KIF20B: variants seen among roughly 807,000 people sequenced by gnomAD.
KIF20B encodes the protein kinesin family member 20B, also known as kinesin-like protein KIF20B.
Under a neutral mutation model 232.5 loss-of-function variants are expected in KIF20B, and 188 were observed. The ratio of observed to expected loss-of-function variants is 0.81; its 90% confidence interval spans 0.72 to 0.91. The LOEUF (loss-of-function observed/expected upper bound fraction) is 0.91, where lower values mean the gene tolerates loss of function less well. Ranked by LOEUF, KIF20B falls within the 40% of genes least tolerant of loss-of-function variation. The pLI is 0.00. For synonymous variants in KIF20B, 712 were observed against 683.0 expected (o/e 1.04, Z -0.66); for missense variants, 2,154 against 2,055.9 (o/e 1.05, Z -0.92).
chr10:89,727,470 T>G (rs1843215541), intron 16 of KIF20B, among the ~76,000 whole-genome samples: 2 of 152,208 alleles, frequency 1.3e-5, no homozygotes, highest in Admixed American at 1.3e-4. Flanking sequence ...TTTTAAGAAT[T>G]AGTTGCAATA....
chr10:89,707,475 C>CT (rs763793864), intron 2 of KIF20B, among the ~76,000 whole-genome samples: 1 of 151,612 alleles, frequency 6.6e-6, no homozygotes, highest in Admixed American at 6.6e-5. Context: ...ATTTGGATGA[C>CT]TTTTGTCTTT....
At chr10:89,714,846 G>A (rs1330788825) in intron 7 of KIF20B, 109 bp from the exon 8 acceptor site, 1 of 695,210 alleles carries the variant, frequency 1.4e-6, no homozygotes, top group Non-Finnish European at 2.4e-6. Flanking sequence ...ATGGTCAAAA[G>A]ATTAAGCATA....
At chr10:89,702,917 C>T (rs1842642537) in intron 1 of KIF20B, among the ~76,000 whole-genome samples, 1 of 152,006 alleles carries the variant, frequency 6.6e-6, no homozygotes. Flanking sequence ...GTTGGGAAGG[C>T]CACGTATAAG....
At chr10:89,724,236 G>C in intron 14 of KIF20B, 133 bp downstream of exon 14, 4 of 903,052 alleles carry the variant, frequency 4.4e-6, no homozygotes, top group Non-Finnish European at 4.6e-6. Flanking sequence ...CTTGAAAATA[G>C]CTGTTACTGG....
chr10:89,747,228 A>G (rs991029302), intron 23 of KIF20B, among the ~76,000 whole-genome samples: 20 of 152,276 alleles, frequency 1.3e-4, no homozygotes, highest in Non-Finnish European at 2.4e-4. Context: ...TTAAAAAGTC[A>G]GGAAACAACA....
intron 26 of KIF20B, among the ~76,000 whole-genome samples, chr10:89,757,924 A>G (rs939127352): frequency 6.6e-6 from 1 of 151,096 alleles, no homozygotes; most frequent in Non-Finnish European, 1.5e-5. Context: ...CCACTTTTTT[A>G]AGTCAGTTGA....
At chr10:89,770,239 C>T (rs960623162) in intron 31 of KIF20B, among the ~76,000 whole-genome samples, 3 of 151,988 alleles carry the variant, frequency 2.0e-5, no homozygotes, top group African/African-American at 7.2e-5. Flanking sequence ...TGAAAATATC[C>T]TGAGGTGCTT....
rs777257304 is a variant in KIF20B at position 89,717,744 on chromosome 10, A to G, written c.1271+22A>G. 8.6e-6 allele frequency: 13 copies of G among 1,514,208 alleles called. No individual in the cohort carries two copies. The Middle Eastern group carries it at 1.3e-3, about 148-fold the overall frequency. 93.8% of individuals were successfully genotyped at this position (1,514,208 alleles called of 1,614,324 possible). A position where few individuals can be genotyped will look rare whatever the true frequency, so the allele number is the denominator to read the frequency against. ...CAAAGTAAGTGTTTCTGAAAGTGTT[A>G]TTAGCATATTAAATATTACAATATT... On this transcript the variant is annotated intron_variant, in intron 11 of 32. Coordinates refer to ENST00000371728, the MANE Select transcript of KIF20B (RefSeq NM_001284259.2).
At chr10:89,705,034 G>A (rs952923416) in intron 1 of KIF20B, among the ~76,000 whole-genome samples, 1 of 152,154 alleles carries the variant, frequency 6.6e-6, no homozygotes, top group African/African-American at 2.4e-5. Flanking sequence ...CAGATTACCT[G>A]TACTCACGAA....
chr10:89,710,967 A>G lies in KIF20B; in HGVS notation c.497A>G (p.Glu166Gly). 6.2e-7 allele frequency: 1 copy of G among 1,604,514 alleles called. No individual in the cohort carries two copies. The highest frequency in any genetic ancestry group is 8.5e-7 in the Non-Finnish European group (1 of 1,177,350). ...SGKTYTFQGT[E>G]ENIGILPRTL... ...ACAAAAATTCCTTTTGCAGGGACAG[A>G]AGAAAATATTGGCATTCTGCCTCGA... The change falls in exon 6 of 33, where the codon GAA (glutamate) becomes GGA (glycine). Residue 166 changes from glutamate (E) to glycine (G), a missense_variant. Coordinates refer to ENST00000371728, the MANE Select transcript of KIF20B (RefSeq NM_001284259.2).
At chr10:89,703,891 T>G (rs1339417336) in intron 1 of KIF20B, among the ~76,000 whole-genome samples, 1 of 151,874 alleles carries the variant, frequency 6.6e-6, no homozygotes, top group Non-Finnish European at 1.5e-5. Flanking sequence ...TAGCTGGGAC[T>G]ACAGGCGCAT....
At chr10:89,768,911 G>T (rs1170317291) in intron 31 of KIF20B, 23 bp downstream of exon 31, 3 of 1,565,330 alleles carry the variant, frequency 1.9e-6, no homozygotes, top group African/African-American at 1.4e-5. Flanking sequence ...TTAATTAAAT[G>T]ACCTTTTTTT....
chr10:89,742,991 A>G (rs1373170546), intron 21 of KIF20B, among the ~76,000 whole-genome samples: 3 of 152,142 alleles, frequency 2.0e-5, no homozygotes, highest in African/African-American at 7.2e-5. Context: ...ATGAGCCACC[A>G]TGCCCGGCCT....
chr10:89,765,113 A>G (rs974271860), intron 29 of KIF20B, among the ~76,000 whole-genome samples: 3 of 151,820 alleles, frequency 2.0e-5, no homozygotes, highest in African/African-American at 7.3e-5. Context: ...CTTTCTACAT[A>G]TGGCTAGCCA....
At chr10:89,738,807 A>T in intron 20 of KIF20B, 151 bp from the exon 21 acceptor site, 2 of 1,138,414 alleles carry the variant, frequency 1.8e-6, no homozygotes, top group Non-Finnish European at 1.2e-6. Flanking sequence ...TATAAAAATC[A>T]TATGAAATAT....
intron 1 of KIF20B, among the ~76,000 whole-genome samples, chr10:89,702,755 CTTTT>C (rs11287823): frequency 2.5e-4 from 35 of 141,782 alleles, no homozygotes; most frequent in African/African-American, 3.0e-4. Flanking sequence ...CTAGGACCGA[CTTTT>C]TTTTTTTTTT....
At position 89,740,183 on chromosome 10, in the gene KIF20B, A is replaced by G. The variant is rs191469214; in HGVS notation, c.3915+1087A>G. ...TTCATATTTTTATTTCTATTTGTCT[A>G]TCCCAGTTTCTGCTCTGTTGAAGTC... On this transcript the variant is annotated intron_variant, in intron 21 of 32. Coordinates refer to ENST00000371728, the MANE Select transcript of KIF20B (RefSeq NM_001284259.2). Among the ~76,000 whole-genome samples, 185 of 141,286 alleles carry G rather than the reference A, an allele frequency of 1.3e-3. 1 individual carries two copies. The highest frequency in any genetic ancestry group is 2.3e-3 in the Non-Finnish European group (147 of 64,890). 92.7% of individuals were successfully genotyped at this position (141,286 alleles called of 152,430 possible).
At chr10:89,703,634 A>C (rs1285637602) in intron 1 of KIF20B, among the ~76,000 whole-genome samples, 1 of 152,132 alleles carries the variant, frequency 6.6e-6, no homozygotes. Context: ...TGTTGGGTGC[A>C]GTTTCATGGG....
At chr10:89,747,198 AC>A (rs1360072618) in intron 23 of KIF20B, among the ~76,000 whole-genome samples, 26 of 152,316 alleles carry the variant, frequency 1.7e-4, no homozygotes, top group African/African-American at 6.0e-4. Flanking sequence ...ATCATCTCAC[AC>A]CAGTTAGAAT....
Sources: gnomAD v4.1 joint callset for allele counts (sites outside exome capture counted in the v4.1 genomes callset) on GRCh38, gnomAD v4.1.1 for gene constraint, MANE v1.5 for transcripts, NCBI Gene and HGNC (gene_info 2026-07-23, HGNC 2026-07-21) for gene names.